The following XIRP2 variants were observed in gnomAD, a reference collection of about 807,000 sequenced individuals.
XIRP2 encodes the protein xin actin-binding repeat-containing protein 2.
In XIRP2, 236 loss-of-function variants were observed where a neutral mutation model predicts 277.0. That is an observed-to-expected ratio of 0.85 (90% CI 0.77 to 0.95). XIRP2 has a LOEUF of 0.95. Ranked by LOEUF, XIRP2 falls within the 40% of genes least tolerant of loss-of-function variation. The probability of loss-of-function intolerance (pLI) is 0.00; values close to 1 mark genes in which losing one functional copy is unlikely to be tolerated. For synonymous variants in XIRP2, 1,490 were observed against 1,416.5 expected, an observed-to-expected ratio of 1.05 and a Z score of -1.17; for missense variants, 4,640 against 4,157.5, an observed-to-expected ratio of 1.12 and a Z score of -3.19.
At chr2:167,015,774 T>A (rs1019600577) in intron 2 of XIRP2, among the ~76,000 whole-genome samples, 7 of 151,746 alleles carry the variant, frequency 4.6e-5, no homozygotes, top group African/African-American at 1.7e-4. Context: ...TTTGTAAAAA[T>A]TTTTAAGTAG....
At chr2:166,904,170 G>A (rs989334480) in intron 2 of XIRP2, among the ~76,000 whole-genome samples, 4 of 152,094 alleles carry the variant, frequency 2.6e-5, no homozygotes, top group East Asian at 1.9e-4. Context: ...CTACAACTAC[G>A]TTGTAAATTC....
At position 167,095,044 on chromosome 2, in the gene XIRP2, G is replaced by T. The variant is rs1482970005; in HGVS notation, c.409-40865G>T. ...AAGAGGTCCTTCACATCCCTTGTAA[G>T]TTTATTCCTAGGTTTTTTATTCTCT... is the stretch of plus-strand genomic sequence containing the variant. On this transcript the variant is annotated intron_variant, in intron 2 of 10. Transcript: ENST00000409195. 3.3e-5 allele frequency among the ~76,000 whole-genome samples: 5 copies of T among 152,126 alleles called. No homozygotes were observed. The East Asian group carries it at 5.8e-4, about 18-fold the overall frequency.
intron 2 of XIRP2, among the ~76,000 whole-genome samples, chr2:166,946,098 A>G (rs1392297194): frequency 6.6e-6 from 1 of 152,152 alleles, no homozygotes; most frequent in African/African-American, 2.4e-5. Context: ...AGATGAGAAG[A>G]TCTTCATCCT....
intron 2 of XIRP2, among the ~76,000 whole-genome samples, chr2:167,096,534 A>T (rs544691725): frequency 2.6e-5 from 4 of 151,580 alleles, no homozygotes; most frequent in East Asian, 2.0e-4. Flanking sequence ...AGGGTTTTTC[A>T]TGTCTCTATC....
Position 167,250,737 on chromosome 2 carries a change from A to C in XIRP2, c.9345A>C (p.Lys3115Asn). ...GCAACATTCCTCCTCCCTCTTTAAA[A>C]ACACGCCCACCGTCACCAACTTTTA... ...DDSNIPPPSL[K>N]TRPPSPTFIT... is the part of the protein sequence containing the mutation. Residue 3115 changes from lysine (K) to asparagine (N), a missense_variant, in exon 9 of 11, where the codon AAA becomes AAC. Coordinates refer to ENST00000409195, the MANE Select transcript of XIRP2 (RefSeq NM_152381.6). 6.2e-7 allele frequency: 1 copy of C among 1,613,546 alleles called. No homozygotes were observed. The highest frequency in any genetic ancestry group is 8.5e-7 in the Non-Finnish European group (1 of 1,179,720).
Position 167,251,488 on chromosome 2 carries a change from C to G in XIRP2, c.10096C>G (p.Gln3366Glu). The G allele has an allele frequency of 1.9e-6, 3 of 1,613,484 alleles. No homozygotes were observed. Among genetic ancestry groups the G allele is most frequent in the East Asian group, 2.2e-5 (1 of 44,838 alleles). Residue 3366 changes from glutamine to glutamate, a missense_variant, in exon 9 of 11, where the codon CAA becomes GAA. Coordinates refer to ENST00000409195, the MANE Select transcript of XIRP2 (RefSeq NM_152381.6). ...AKGETNHNIQQESRTFCKEEF... is the reference protein window; with the variant it reads ...AKGETNHNIQEESRTFCKEEF... ...GGGAGAAACAAACCATAACATACAA[C>G]AAGAAAGTCGTACATTTTGTAAGGA...
At chr2:167,136,527 A>G (rs960547200) in intron 3 of XIRP2, among the ~76,000 whole-genome samples, 6 of 152,234 alleles carry the variant, frequency 3.9e-5, no homozygotes, top group Admixed American at 1.3e-4. Flanking sequence ...TTTGGAATAC[A>G]AAGTGACATA....
At chr2:167,189,944 A>AG (rs1693277162) in intron 3 of XIRP2, among the ~76,000 whole-genome samples, 3 of 152,142 alleles carry the variant, frequency 2.0e-5, no homozygotes, top group Admixed American at 2.0e-4. Context: ...CTAGTGATTA[A>AG]GGGGTCCCCA....
intron 5 of XIRP2, among the ~76,000 whole-genome samples, chr2:167,233,590 T>C (rs1002451071): frequency 6.6e-6 from 1 of 151,708 alleles, no homozygotes; most frequent in Admixed American, 6.6e-5. Flanking sequence ...AGAAATCAGT[T>C]GGATATTGGT....
At chr2:166,967,249 C>A (rs979475347) in intron 2 of XIRP2, among the ~76,000 whole-genome samples, 1 of 151,840 alleles carries the variant, frequency 6.6e-6, no homozygotes, top group African/African-American at 2.4e-5. Context: ...GATAGACTCA[C>A]TGTTAAAAGT....
intron 2 of XIRP2, among the ~76,000 whole-genome samples, chr2:166,950,771 CTTG>C (rs1686006453): frequency 6.6e-6 from 1 of 151,970 alleles, no homozygotes; most frequent in Admixed American, 6.6e-5. Context: ...GTGATTTCTT[CTTG>C]TTGTTATGGT....
chr2:167,248,938 G>T lies in XIRP2; in HGVS notation c.7546G>T (p.Ala2516Ser). The change falls in exon 9 of 11, where the codon GCG (alanine) becomes TCG (serine). Residue 2516 changes from alanine (A) to serine (S), a missense_variant. Coordinates refer to ENST00000409195, the MANE Select transcript of XIRP2 (RefSeq NM_152381.6). ...GTSAPRKKQI[A>S]PLIKSHSFPE... ...TTCAGCACCCAGGAAAAAACAGATT[G>T]CGCCTCTTATAAAATCTCATTCATT... is the stretch of plus-strand genomic sequence containing the variant. 6.2e-7 allele frequency: 1 copy of T among 1,613,716 alleles called. No individual in the cohort carries two copies.
Position 167,001,256 on chromosome 2 carries a change from C to T in XIRP2, c.408+97366C>T, listed in dbSNP as rs191067797. Among the ~76,000 whole-genome samples, 180 of 152,192 alleles carry T rather than the reference C, an allele frequency of 1.2e-3. 1 individual carries two copies. Among genetic ancestry groups the T allele is most frequent in the Non-Finnish European group, 1.9e-3 (131 of 68,014 alleles). On this transcript the variant is annotated intron_variant, in intron 2 of 10. Coordinates refer to ENST00000409195, the MANE Select transcript of XIRP2 (RefSeq NM_152381.6). ...ATCAATAGCTGTGTCTGCATCCCATCCGCCTACGTAATAGCCTACCTCCCC... is the reference window on the plus strand; with the variant it reads ...ATCAATAGCTGTGTCTGCATCCCATTCGCCTACGTAATAGCCTACCTCCCC...
intron 2 of XIRP2, among the ~76,000 whole-genome samples, chr2:167,036,933 C>T (rs1451459847): frequency 6.6e-6 from 1 of 152,136 alleles, no homozygotes; most frequent in Non-Finnish European, 1.5e-5. Flanking sequence ...TCTTCATTCT[C>T]TCTTGCTGCC....
chr2:166,978,442 A>G (rs1044736023), intron 2 of XIRP2, among the ~76,000 whole-genome samples: 1 of 152,178 alleles, frequency 6.6e-6, no homozygotes, highest in Non-Finnish European at 1.5e-5. Flanking sequence ...AGGGTTGTGT[A>G]AAATTAATAT....
chr2:166,925,887 C>T (rs1303642868), intron 2 of XIRP2, among the ~76,000 whole-genome samples: 1 of 151,426 alleles, frequency 6.6e-6, no homozygotes, highest in South Asian at 2.1e-4. Flanking sequence ...TTGGGCAAAA[C>T]AGGAAGACCC....
At chr2:166,947,262 A>T (rs1197884539) in intron 2 of XIRP2, among the ~76,000 whole-genome samples, 1 of 152,338 alleles carries the variant, frequency 6.6e-6, no homozygotes, top group South Asian at 2.1e-4. Flanking sequence ...AACCTGGGAT[A>T]CATGGGTAGC....
chr2:167,236,131 G>GT (rs1307997651), intron 5 of XIRP2, among the ~76,000 whole-genome samples: 1 of 151,486 alleles, frequency 6.6e-6, no homozygotes, highest in Non-Finnish European at 1.5e-5. Context: ...ATGAACTTCC[G>GT]TTTTTTCCAC....
At chr2:166,999,003 C>A (rs1430497800) in intron 2 of XIRP2, among the ~76,000 whole-genome samples, 1 of 152,098 alleles carries the variant, frequency 6.6e-6, no homozygotes, top group Non-Finnish European at 1.5e-5. Context: ...ATCTACATTT[C>A]TTAAATTCAA....
Sources: allele counts gnomAD v4.1 joint callset (sites outside exome capture counted in the v4.1 genomes callset), GRCh38; gene constraint gnomAD v4.1.1; transcripts MANE v1.5; gene names NCBI Gene and HGNC (gene_info 2026-07-23, HGNC 2026-07-21).